The following OCA2 variants were observed in gnomAD, a reference collection of about 807,000 sequenced individuals.
The protein encoded by OCA2 is OCA2 melanosomal transmembrane protein, also known as P protein.
Under a neutral mutation model 100.2 loss-of-function variants are expected in OCA2, and 77 were observed. The ratio of observed to expected loss-of-function variants is 0.77; its 90% CI spans 0.64 to 0.93. OCA2 has a LOEUF of 0.93. Ranked by LOEUF, OCA2 falls within the 40% of genes least tolerant of loss-of-function variation. The pLI, the probability that OCA2 is intolerant of heterozygous loss-of-function variation, is 0.00. For missense variants in OCA2, 1,062 were observed against 1,089.1 expected, an observed-to-expected ratio of 0.98 and a Z score of 0.35; for synonymous variants, 432 against 439.2, an observed-to-expected ratio of 0.98 and a Z score of 0.21.
rs1007368226 is a variant in OCA2 at position 28,009,064 on chromosome 15, G to A, written c.1044+5712C>T. ...GGAATAATGCAATGTTGGCTCCACT[G>A]CTGGAGAGCCCATAGGGCTGGCGAT... On this transcript the variant is annotated intron_variant, in intron 9 of 23. Coordinates refer to ENST00000354638, the MANE Select transcript of OCA2 (RefSeq NM_000275.3). Among the ~76,000 whole-genome samples, 3 of 152,350 alleles carry A rather than the reference G, an allele frequency of 2.0e-5. No homozygotes were observed. In the South Asian group the frequency reaches 6.2e-4, roughly 32 times the overall value.
At chr15:28,094,798 C>T (rs2044940643) in intron 1 of OCA2, among the ~76,000 whole-genome samples, 1 of 152,192 alleles carries the variant, frequency 6.6e-6, no homozygotes, top group African/African-American at 2.4e-5. Context: ...CGTGCCGTGG[C>T]CTTCAGAGCG....
intron 13 of OCA2, among the ~76,000 whole-genome samples, chr15:27,984,098 C>A (rs1391352968): frequency 6.6e-6 from 1 of 151,770 alleles, no homozygotes; most frequent in African/African-American, 2.4e-5. Context: ...TCAATCTGTT[C>A]TTTACCCTGG....
the OCA2 span, among the ~76,000 whole-genome samples, chr15:27,749,752 A>G: frequency 2.0e-5 from 3 of 152,238 alleles, no homozygotes; most frequent in African/African-American, 7.2e-5. Context: ...AAAGAATATT[A>G]AATACTCAAT....
chr15:28,066,195 T>C (rs1402030945), intron 2 of OCA2, among the ~76,000 whole-genome samples: 2 of 152,184 alleles, frequency 1.3e-5, no homozygotes, highest in Non-Finnish European at 2.9e-5. Flanking sequence ...TTACAAAATA[T>C]GTCCAACACC....
intron 14 of OCA2, among the ~76,000 whole-genome samples, chr15:27,967,520 T>C (rs2040612385): frequency 6.6e-6 from 1 of 152,200 alleles, no homozygotes; most frequent in Non-Finnish European, 1.5e-5. Context: ...CTAAACTATA[T>C]GATAATATTT....
chr15:28,087,953 T>G (rs1188966176), intron 1 of OCA2, among the ~76,000 whole-genome samples: 1 of 151,898 alleles, frequency 6.6e-6, no homozygotes, highest in Non-Finnish European at 1.5e-5. Flanking sequence ...TCCTAGCTAC[T>G]TGGGAGGCTG....
chr15:27,965,218 C>A (rs1052152445), intron 15 of OCA2, among the ~76,000 whole-genome samples: 2 of 152,184 alleles, frequency 1.3e-5, no homozygotes, highest in African/African-American at 4.8e-5. Flanking sequence ...TTATCCACCA[C>A]GATCACAGTC....
rs548427771 is a variant in OCA2 at position 28,081,777 on chromosome 15, G to A, written c.98C>T (p.Ala33Val). Residue 33 changes from alanine (A) to valine (V), a missense_variant, in exon 2 of 24, where the codon GCC becomes GTC. Transcript: ENST00000354638. ...TCCCCGAGGAAGCCTGCGCTTGCCG[G>A]CCACAAGTTCAGCGAGTCCGCTGGG... ...SVPSGLAELV[A>V]GKRRLPRGAG... 1.2e-6 allele frequency: 2 copies of A among 1,613,264 alleles called. No homozygotes were observed. The highest frequency in any genetic ancestry group is 2.2e-5 in the East Asian group (1 of 44,876).
chr15:27,861,428 G>A (rs1396576838), intron 21 of OCA2, among the ~76,000 whole-genome samples: 2 of 152,146 alleles, frequency 1.3e-5, no homozygotes, highest in Non-Finnish European at 2.9e-5. Flanking sequence ...GATGGCACTT[G>A]GAGTAAGTGT....
At chr15:27,823,814 T>G (rs1161399214) in intron 23 of OCA2, among the ~76,000 whole-genome samples, 1 of 152,180 alleles carries the variant, frequency 6.6e-6, no homozygotes, top group East Asian at 1.9e-4. Context: ...TAAAATGCAA[T>G]GTTGACTTAT....
At chr15:27,835,035 A>C (rs978620033) in intron 23 of OCA2, among the ~76,000 whole-genome samples, 1 of 152,202 alleles carries the variant, frequency 6.6e-6, no homozygotes, top group African/African-American at 2.4e-5. Context: ...TGCAGAAAGC[A>C]AAGATCAGTC....
At chr15:27,923,974 A>G (rs1246655536) in intron 19 of OCA2, among the ~76,000 whole-genome samples, 1 of 152,140 alleles carries the variant, frequency 6.6e-6, no homozygotes, top group Non-Finnish European at 1.5e-5. Flanking sequence ...ATTGTCTTCC[A>G]GGGTTTTATA....
intron 10 of OCA2, 23 bp from the exon 11 acceptor site, chr15:27,989,689 C>T (rs371527872): frequency 1.9e-6 from 3 of 1,611,716 alleles, no homozygotes; most frequent in African/African-American, 2.7e-5. Context: ...CACAAATTTG[C>T]CAATTAATCC....
At chr15:27,971,459 G>A (rs1391885012) in intron 14 of OCA2, among the ~76,000 whole-genome samples, 1 of 152,182 alleles carries the variant, frequency 6.6e-6, no homozygotes, top group Non-Finnish European at 1.5e-5. Flanking sequence ...AGCTTGTTAG[G>A]AGCTGAAGGT....
intron 2 of OCA2, among the ~76,000 whole-genome samples, chr15:28,038,313 A>G (rs943306361): frequency 6.6e-6 from 1 of 152,180 alleles, no homozygotes; most frequent in Non-Finnish European, 1.5e-5. Context: ...GCCAGCTCTC[A>G]TGGGCAATTT....
Position 28,018,420 on chromosome 15 carries a change from A to T in OCA2, c.784T>A (p.Ser262Thr). The change falls in exon 7 of 24, where the codon TCC becomes ACC. Residue 262 changes from serine to threonine, a missense_variant. Ser to Thr is a moderately conservative substitution (Grantham distance 58). Transcript: ENST00000354638. Reference sequence around the variant, plus strand: ...ACCTGCTGTGGCCGCCGCCACCTGGAGCCCAAAGCGTCAGCCTGGGTCAGC... The same window carrying T: ...ACCTGCTGTGGCCGCCGCCACCTGGTGCCCAAAGCGTCAGCCTGGGTCAGC... Reference protein sequence around the residue: ...VELTQADALGSRWRRPQQVTH... With the variant: ...VELTQADALGTRWRRPQQVTH... The T allele has an allele frequency of 6.2e-7, 1 of 1,614,140 alleles. No individual in the cohort carries two copies. The highest frequency in any genetic ancestry group is 1.1e-5 in the South Asian group (1 of 91,082).
At chr15:27,869,760 T>C (rs1197457180) in intron 21 of OCA2, among the ~76,000 whole-genome samples, 1 of 151,760 alleles carries the variant, frequency 6.6e-6, no homozygotes, top group Non-Finnish European at 1.5e-5. Flanking sequence ...CAGCGCGGAG[T>C]CTCCTGTGGA....
chr15:28,080,981 G>A (rs2044603178), intron 2 of OCA2, among the ~76,000 whole-genome samples: 1 of 152,110 alleles, frequency 6.6e-6, no homozygotes. Flanking sequence ...TTATCCAAGC[G>A]AATTAACCCA....
At chr15:27,907,939 C>G (rs1222892068) in intron 19 of OCA2, among the ~76,000 whole-genome samples, 2 of 151,974 alleles carry the variant, frequency 1.3e-5, no homozygotes, top group Admixed American at 6.6e-5. Context: ...CCTCAAAAAC[C>G]AGATAGTCAC....
Sources: allele counts gnomAD v4.1 joint callset (sites outside exome capture counted in the v4.1 genomes callset), GRCh38; gene constraint gnomAD v4.1.1; transcripts MANE v1.5; gene names NCBI Gene and HGNC (gene_info 2026-07-23, HGNC 2026-07-21).